CEP70: variants seen among roughly 807,000 people sequenced by gnomAD.
CEP70 encodes the protein centrosomal protein 70, also known as centrosomal protein of 70 kDa.
In CEP70, 70 loss-of-function variants were observed where a neutral mutation model predicts 90.9. That is an observed-to-expected ratio of 0.77 (90% CI 0.64 to 0.94). The LOEUF (loss-of-function observed/expected upper bound fraction) is 0.94, where lower values mean the gene tolerates loss of function less well. Among genes scored for constraint, CEP70 ranks in the 40% least tolerant of loss-of-function variants. The pLI, the probability that CEP70 is intolerant of heterozygous loss-of-function variation, is 0.00. For synonymous variants in CEP70, 220 were observed against 228.3 expected, an observed-to-expected ratio of 0.96 and a Z score of 0.33; for missense variants, 648 against 669.0, an observed-to-expected ratio of 0.97 and a Z score of 0.35.
chr3:138,518,832 A>G (rs895641353), intron 11 of CEP70, among the ~76,000 whole-genome samples: 16 of 152,340 alleles, frequency 1.1e-4, no homozygotes, highest in Admixed American at 7.8e-4. Flanking sequence ...GCTGGACGGA[A>G]AATGACTTTG....
intron 11 of CEP70, among the ~76,000 whole-genome samples, chr3:138,520,248 C>T (rs894483760): frequency 6.6e-6 from 1 of 151,994 alleles, no homozygotes; most frequent in African/African-American, 2.4e-5. Context: ...ACTTTAACAC[C>T]CCACTGTCAA....
intron 2 of CEP70, 45 bp downstream of exon 2, chr3:138,591,809 C>T (rs1458953036): frequency 6.6e-7 from 1 of 1,504,648 alleles, no homozygotes; most frequent in Non-Finnish European, 8.9e-7. Context: ...AGATTTTTTT[C>T]CATGGCCTCC....
chr3:138,545,914 T>C lies in CEP70; in HGVS notation c.466-8567A>G, dbSNP rs146580040. Among the ~76,000 whole-genome samples, 857 of 152,266 alleles carry C rather than the reference T, an allele frequency of 5.6e-3. 7 individuals carry two copies. Among genetic ancestry groups the C allele is most frequent in the African/African-American group, 0.02 (825 of 41,546 alleles). ...CCCTGTTTTCTGTTGTTTAAGATGT[T>C]TATCAAGACAATATGTGCACAGCTG... is the stretch of plus-strand genomic sequence containing the variant. On this transcript the variant is annotated intron_variant, in intron 6 of 17. Coordinates refer to ENST00000264982, the MANE Select transcript of CEP70 (RefSeq NM_024491.4).
intron 6 of CEP70, among the ~76,000 whole-genome samples, chr3:138,552,242 C>T (rs1161647044): frequency 6.6e-6 from 1 of 152,098 alleles, no homozygotes; most frequent in Non-Finnish European, 1.5e-5. Context: ...CTTCAATACT[C>T]CACTGACAGC....
chr3:138,552,006 C>T (rs536932553), intron 6 of CEP70, among the ~76,000 whole-genome samples: 2 of 152,042 alleles, frequency 1.3e-5, no homozygotes, highest in African/African-American at 2.4e-5. Context: ...TGGACAAAAG[C>T]GAGTAGGAGT....
chr3:138,550,855 TC>T (rs1292108885), intron 6 of CEP70, among the ~76,000 whole-genome samples: 1 of 152,162 alleles, frequency 6.6e-6, no homozygotes, highest in Non-Finnish European at 1.5e-5. Context: ...GAACAAAGTC[TC>T]CAAGAAGTTT....
intron 6 of CEP70, among the ~76,000 whole-genome samples, chr3:138,568,677 C>T (rs2040947221): frequency 6.6e-6 from 1 of 152,086 alleles, no homozygotes; most frequent in Non-Finnish European, 1.5e-5. Flanking sequence ...AGGAAAGCAA[C>T]CTTGTTAACA....
chr3:138,569,459 C>A (rs987712616), intron 6 of CEP70, among the ~76,000 whole-genome samples: 1 of 152,168 alleles, frequency 6.6e-6, no homozygotes, highest in Admixed American at 6.5e-5. Flanking sequence ...AGATTCATTT[C>A]TTTTAATCAC....
chr3:138,494,634 T>C lies in CEP70; in HGVS notation c.*381A>G, dbSNP rs2033855288. On this transcript the variant is annotated 3_prime_UTR_variant, in exon 18 of 18. Transcript: ENST00000264982. ...CCTACTGGCTAAATTTAGAGAGCCC[T>C]TGGCATTCCTTTTGGTGTGGCTCAA... 6.2e-6 allele frequency: 1 copy of C among 160,606 alleles called. No individual in the cohort carries two copies. The highest frequency in any genetic ancestry group is 2.4e-5 in the African/African-American group (1 of 41,526). 9.9% of individuals were successfully genotyped at this position (160,606 alleles called of 1,614,324 possible).
chr3:138,564,190 A>G (rs1341714673), intron 6 of CEP70, among the ~76,000 whole-genome samples: 1 of 152,226 alleles, frequency 6.6e-6, no homozygotes, highest in Non-Finnish European at 1.5e-5. Context: ...AAGTTCTGAA[A>G]TTGAGGCAGT....
intron 6 of CEP70, among the ~76,000 whole-genome samples, chr3:138,558,496 G>A (rs1395212449): frequency 3.9e-5 from 6 of 152,138 alleles, no homozygotes. Flanking sequence ...TTTTTCTTAT[G>A]CCTGCCAGGG....
chr3:138,520,715 C>G (rs1382708964), intron 11 of CEP70, among the ~76,000 whole-genome samples: 1 of 152,112 alleles, frequency 6.6e-6, no homozygotes, highest in African/African-American at 2.4e-5. Flanking sequence ...GCACTAAATG[C>G]CCACAAGAGA....
chr3:138,498,175 C>G, intron 16 of CEP70, 65 bp from the exon 17 acceptor site: 6 of 1,145,866 alleles, frequency 5.2e-6, no homozygotes. Context: ...TGATTGCAAA[C>G]AGAACATTTT....
intron 1 of CEP70, among the ~76,000 whole-genome samples, chr3:138,593,481 C>G (rs1258466965): frequency 6.6e-6 from 1 of 152,192 alleles, no homozygotes; most frequent in Non-Finnish European, 1.5e-5. Context: ...CCTCGGCCTC[C>G]CAAAGTGCTG....
At chr3:138,571,726 T>C (rs995260998) in intron 3 of CEP70, among the ~76,000 whole-genome samples, 4 of 151,604 alleles carry the variant, frequency 2.6e-5, no homozygotes, top group Admixed American at 6.5e-5. Context: ...AACTAGGCTA[T>C]AATAACTGGA....
chr3:138,521,174 G>A (rs949633458), intron 11 of CEP70, among the ~76,000 whole-genome samples: 1 of 152,128 alleles, frequency 6.6e-6, no homozygotes, highest in Admixed American at 6.5e-5. Flanking sequence ...CCACCTCCCA[G>A]CCGCCTGCCT....
intron 11 of CEP70, among the ~76,000 whole-genome samples, chr3:138,516,043 C>T (rs192728948): frequency 2.6e-5 from 4 of 152,366 alleles, no homozygotes; most frequent in African/African-American, 7.2e-5. Flanking sequence ...ACCTCCACTA[C>T]TGCCACCTTT....
At chr3:138,569,343 T>C (rs1237574196) in intron 6 of CEP70, among the ~76,000 whole-genome samples, 2 of 152,190 alleles carry the variant, frequency 1.3e-5, no homozygotes, top group African/African-American at 4.8e-5. Context: ...GTATATATAG[T>C]GTTGTGTCAG....
At chr3:138,505,234 T>A in intron 13 of CEP70, 61 bp downstream of exon 13, 1 of 1,271,002 alleles carries the variant, frequency 7.9e-7, no homozygotes, top group African/African-American at 1.5e-5. Flanking sequence ...TTAAGTCCTA[T>A]TAATAAAGCA....
Sources: gnomAD v4.1 joint callset for allele counts (sites outside exome capture counted in the v4.1 genomes callset) on GRCh38, gnomAD v4.1.1 for gene constraint, MANE v1.5 for transcripts, NCBI Gene and HGNC (gene_info 2026-07-23, HGNC 2026-07-21) for gene names.